The following LMOD3 variants were observed in gnomAD, a reference collection of about 807,000 sequenced individuals.
The protein encoded by LMOD3 is leiomodin 3, also known as leiomodin-3.
In LMOD3, 31 loss-of-function variants were observed where a neutral mutation model predicts 41.8. That is an observed-to-expected ratio of 0.74 (90% confidence interval 0.56 to 1.00). The LOEUF (loss-of-function observed/expected upper bound fraction) is 1.00. LMOD3 is among the 50% of genes least tolerant of loss of function. The pLI is 0.00. For missense variants in LMOD3, 755 were observed against 679.5 expected (o/e 1.11, Z -1.23); for synonymous variants, 292 against 241.9 (o/e 1.21, Z -1.92).
rs1394075204 is a variant in LMOD3 at position 69,106,244 on chromosome 3, C to A, written c.*2851G>T. 6.6e-6 allele frequency among the ~76,000 whole-genome samples: 1 copy of A among 152,092 alleles called. No homozygotes were observed. Among genetic ancestry groups the A allele is most frequent in the Non-Finnish European group, 1.5e-5 (1 of 68,022 alleles). Reference sequence around the variant, plus strand: ...ATTCCAGTGGGATCCTATTTTTAAACCTGGCACGAGTTTTATATACATGTT... The same window carrying A: ...ATTCCAGTGGGATCCTATTTTTAAAACTGGCACGAGTTTTATATACATGTT... On this transcript the variant is annotated 3_prime_UTR_variant, in exon 3 of 3. Coordinates refer to ENST00000420581, the MANE Select transcript of LMOD3 (RefSeq NM_198271.5).
At chr3:69,117,452 C>G (rs1340256885) in intron 2 of LMOD3, among the ~76,000 whole-genome samples, 1 of 152,142 alleles carries the variant, frequency 6.6e-6, no homozygotes, top group African/African-American at 2.4e-5. Flanking sequence ...CCAACATAAT[C>G]TCGTGGCTAT....
At chr3:69,118,039 C>G (rs2092384668) in intron 2 of LMOD3, among the ~76,000 whole-genome samples, 1 of 152,144 alleles carries the variant, frequency 6.6e-6, no homozygotes, top group South Asian at 2.1e-4. Context: ...ACCATGTTGG[C>G]CAGAATGATC....
At position 69,118,961 on chromosome 3, in the gene LMOD3, C is replaced by T. The variant is rs932535158; in HGVS notation, c.1394G>A (p.Arg465His). Residue 465 changes from arginine (R) to histidine (H), a missense_variant, in exon 2 of 3, where the codon CGC becomes CAC. Transcript: ENST00000420581. ...CGATGGCTTTTTCATCATTTCACTG[C>T]GTTGACTAAAGGGGACATTTTGGGG... is the stretch of plus-strand genomic sequence containing the variant. ...PNPQNVPFSQ[R>H]SEMMKKPSQA... is the part of the protein sequence containing the mutation. 10 of 1,612,776 alleles carry T rather than the reference C, an allele frequency of 6.2e-6. No homozygotes were observed. The Admixed American group carries it at 1.2e-4, about 19-fold the overall frequency.
At chr3:69,109,142 GA>G in intron 2 of LMOD3, 21 bp from the exon 3 acceptor site, 1 of 1,595,898 alleles carries the variant, frequency 6.3e-7, no homozygotes, top group Non-Finnish European at 8.5e-7. Context: ...AGCATTTGAG[GA>G]AACGGGGGAA....
At chr3:69,118,614 TTA>T in intron 2 of LMOD3, 83 bp downstream of exon 2, 2 of 1,443,882 alleles carry the variant, frequency 1.4e-6, no homozygotes, top group Non-Finnish European at 1.9e-6. Flanking sequence ...GAGTATCCCC[TTA>T]TGTTAAAACA....
intron 1 of LMOD3, 80 bp from the exon 2 acceptor site, chr3:69,120,140 A>C: frequency 1.4e-6 from 2 of 1,427,600 alleles, no homozygotes; most frequent in Non-Finnish European, 9.1e-7. Context: ...GGAGATAATA[A>C]AAATGCTTAT....
rs181983765 is a variant in LMOD3, at chr3:69,122,420, A to G, written c.-34T>C. The G allele has an allele frequency of 2.6e-5, 37 of 1,412,968 alleles. No homozygotes were observed. The Admixed American group carries it at 4.6e-4, about 18-fold the overall frequency. 87.5% of individuals were successfully genotyped at this position (1,412,968 alleles called of 1,614,324 possible). A position where few individuals can be genotyped will look rare whatever the true frequency, so the allele number is the denominator to read the frequency against. On this transcript the variant is annotated 5_prime_UTR_variant, in exon 1 of 3. Coordinates refer to ENST00000420581, the MANE Select transcript of LMOD3 (RefSeq NM_198271.5). Reference sequence around the variant, plus strand: ...CTAAATATTATTTTACTAGAAAAGAAGAATAATCAAAGATGATTTTTAAAA... The same window carrying G: ...CTAAATATTATTTTACTAGAAAAGAGGAATAATCAAAGATGATTTTTAAAA...
At chr3:69,113,917 C>T (rs1029547170) in intron 2 of LMOD3, among the ~76,000 whole-genome samples, 6 of 152,212 alleles carry the variant, frequency 3.9e-5, no homozygotes, top group South Asian at 2.1e-4. Flanking sequence ...TGTTATCATA[C>T]GACTCAGCTT....
chr3:69,112,493 GACAA>G (rs1432809571), intron 2 of LMOD3, among the ~76,000 whole-genome samples: 2 of 152,138 alleles, frequency 1.3e-5, no homozygotes, highest in Non-Finnish European at 2.9e-5. Context: ...AAGAGGTGTG[GACAA>G]AAAAGGTAAT....
At chr3:69,117,773 CTG>C (rs769221435) in intron 2 of LMOD3, among the ~76,000 whole-genome samples, 6 of 151,684 alleles carry the variant, frequency 4.0e-5, no homozygotes, top group African/African-American at 7.3e-5. Context: ...CTAAAAAGAA[CTG>C]TTTCTATGCA....
At chr3:69,115,343 GC>G (rs1415681885) in intron 2 of LMOD3, among the ~76,000 whole-genome samples, 1 of 151,818 alleles carries the variant, frequency 6.6e-6, no homozygotes, top group Non-Finnish European at 1.5e-5. Flanking sequence ...AAAAAAATTA[GC>G]CGTGTGTGGT....
In LMOD3 at chr3:69,118,841, G is replaced by T. The variant is rs1412053728; in HGVS notation, c.1514C>A (p.Pro505Gln). 6.2e-7 allele frequency: 1 copy of T among 1,605,068 alleles called. No homozygotes were observed. The highest frequency in any genetic ancestry group is 2.2e-5 in the East Asian group (1 of 44,636). The change falls in exon 2 of 3, where the codon CCA becomes CAA. Residue 505 changes from proline to glutamine, a missense_variant. Pro to Gln is a moderately conservative substitution (Grantham distance 76, BLOSUM62 -1). Coordinates refer to ENST00000420581, the MANE Select transcript of LMOD3 (RefSeq NM_198271.5). ...RKSRMPEAREPPEKTNLKDVI... is the reference protein window; with the variant it reads ...RKSRMPEAREQPEKTNLKDVI... ...ATCTTTGAGGTTGGTTTTCTCGGGT[G>T]GTTCTCTGGCTTCCGGCATCCGAGA... is the stretch of plus-strand genomic sequence containing the variant.
Position 69,108,011 on chromosome 3 carries a change from T to A in LMOD3, c.*1084A>T, listed in dbSNP as rs986267930. ...ACAGGAGGGAAGTCTCTTGGAAGGA[T>A]TAATGCGAGCAAAGGCACAAGGGTG... On this transcript the variant is annotated 3_prime_UTR_variant, in exon 3 of 3. Coordinates refer to ENST00000420581, the MANE Select transcript of LMOD3 (RefSeq NM_198271.5). 1 of 152,092 alleles carries A rather than the reference T, an allele frequency of 6.6e-6. No homozygotes were observed. Among genetic ancestry groups the A allele is most frequent in the African/African-American group, 2.4e-5 (1 of 41,426 alleles). 9.4% of individuals were successfully genotyped at this position (152,092 alleles called of 1,614,324 possible).
chr3:69,115,194 T>A (rs1028983771), intron 2 of LMOD3, among the ~76,000 whole-genome samples: 3 of 152,036 alleles, frequency 2.0e-5, no homozygotes, highest in Admixed American at 6.6e-5. Flanking sequence ...TTTAAAAAAA[T>A]TTTTCTGTCG....
At chr3:69,115,174 G>A (rs2092365669) in intron 2 of LMOD3, among the ~76,000 whole-genome samples, 3 of 152,122 alleles carry the variant, frequency 2.0e-5, no homozygotes, top group Non-Finnish European at 4.4e-5. Flanking sequence ...CTCCCAGCCA[G>A]TAACTACAAT....
rs1306800094 is a variant in LMOD3 at position 69,118,698 on chromosome 3, C to T, written c.1656+1G>A. On this transcript the variant is annotated splice_donor_variant, in intron 2 of 2. Transcript: ENST00000420581. LOFTEE classifies it high-confidence loss of function. ...CACCATTTCTCCCTCCTTCTACTTA[C>T]AGGTTTAAGATAGGCGACACTGCTG... The T allele has an allele frequency of 7.5e-6, 12 of 1,607,488 alleles. No homozygotes were observed. In the East Asian group the frequency reaches 2.7e-4, roughly 36 times the overall value.
At chr3:69,116,540 A>C (rs575695570) in intron 2 of LMOD3, among the ~76,000 whole-genome samples, 13 of 152,364 alleles carry the variant, frequency 8.5e-5, no homozygotes, top group African/African-American at 3.1e-4. Context: ...ATTGATTAAA[A>C]TATGAAAAAT....
In LMOD3 at chr3:69,109,090, G is replaced by T; in HGVS notation, c.*5C>A. ...TCTTGTTCTTCTAGATGGCTCTGTT[G>T]CCTCTTACGCCAGTTCTTTTGGCAG... On this transcript the variant is annotated 3_prime_UTR_variant, in exon 3 of 3. Transcript: ENST00000420581. 6.3e-7 allele frequency: 1 copy of T among 1,598,570 alleles called. No homozygotes were observed. The highest frequency in any genetic ancestry group is 8.5e-7 in the Non-Finnish European group (1 of 1,171,936).
rs943924296 is a variant in LMOD3, at chr3:69,106,578, G to A, written c.*2517C>T. 6.6e-6 allele frequency among the ~76,000 whole-genome samples: 1 copy of A among 152,020 alleles called. No individual in the cohort carries two copies. The highest frequency in any genetic ancestry group is 2.4e-5 in the African/African-American group (1 of 41,388). ...TATTGAGGCCATAAGCTATGAAATT[G>A]GATCATCTTTTCTTCTTGTATATCT... On this transcript the variant is annotated 3_prime_UTR_variant, in exon 3 of 3. Transcript: ENST00000420581.
Sources: allele counts gnomAD v4.1 joint callset (sites outside exome capture counted in the v4.1 genomes callset), GRCh38; gene constraint gnomAD v4.1.1; transcripts MANE v1.5; gene names NCBI Gene and HGNC (gene_info 2026-07-23, HGNC 2026-07-21).